SASH1: variants seen among roughly 807,000 people sequenced by gnomAD.
SASH1 encodes the protein SAM and SH3 domain containing 1, also known as SAM and SH3 domain-containing protein 1.
SASH1 carries 44 observed loss-of-function variants against 125.2 expected under a neutral mutation model. The ratio of observed to expected loss-of-function variants is 0.35; its 90% confidence interval spans 0.28 to 0.45. The LOEUF (loss-of-function observed/expected upper bound fraction) is 0.45. SASH1 is among the 20% of genes least tolerant of loss of function. The pLI is 1.00. For missense variants in SASH1, 1,426 were observed against 1,614.5 expected, an observed-to-expected ratio of 0.88 and a Z score of 2.00; for synonymous variants, 639 against 649.1, an observed-to-expected ratio of 0.98 and a Z score of 0.24.
chr6:148,404,866 C>A (rs1258978912), intron 2 of SASH1, among the ~76,000 whole-genome samples: 1 of 147,302 alleles, frequency 6.8e-6, no homozygotes, highest in Non-Finnish European at 1.5e-5. Flanking sequence ...TGATAGGGAA[C>A]TGTCCAAGAC....
chr6:148,244,957 T>TGAGA, the SASH1 span, among the ~76,000 whole-genome samples: 520 of 135,692 alleles, frequency 3.8e-3, 5 homozygotes, highest in African/African-American at 0.014. Context: ...TGTGTGTGTG[T>TGAGA]GTGAGAGAGA....
chr6:148,263,531 G>A, the SASH1 span, among the ~76,000 whole-genome samples: 1 of 152,354 alleles, frequency 6.6e-6, no homozygotes, highest in Admixed American at 6.5e-5. Flanking sequence ...CAGAAAGTCA[G>A]CCCAGGGCAA....
At chr6:148,449,078 C>CATTTCTT (rs763181287) in intron 4 of SASH1, among the ~76,000 whole-genome samples, 1 of 88,736 alleles carries the variant, frequency 1.1e-5, no homozygotes, top group Non-Finnish European at 2.3e-5. Flanking sequence ...CATTTCATTT[C>CATTTCTT]TTTTTTTTTT....
At chr6:148,294,792 T>C (rs978880806) in intron 1 of SASH1, among the ~76,000 whole-genome samples, 33 of 152,134 alleles carry the variant, frequency 2.2e-4, no homozygotes, top group African/African-American at 8.0e-4. Context: ...TATATCTTAT[T>C]GGATGGAAAA....
At chr6:148,289,470 G>A (rs1006527546) in intron 1 of SASH1, among the ~76,000 whole-genome samples, 4 of 152,246 alleles carry the variant, frequency 2.6e-5, no homozygotes, top group Non-Finnish European at 5.9e-5. Flanking sequence ...AAAAGGCAGT[G>A]AAGTGGTCAG....
intron 1 of SASH1, among the ~76,000 whole-genome samples, chr6:148,309,542 T>C (rs951311634): frequency 3.9e-5 from 6 of 152,234 alleles, no homozygotes; most frequent in South Asian, 2.1e-4. Flanking sequence ...TCAGAACAGA[T>C]TGGCAAATGA....
the SASH1 span, among the ~76,000 whole-genome samples, chr6:148,213,393 A>G: frequency 6.6e-6 from 1 of 152,114 alleles, no homozygotes; most frequent in African/African-American, 2.4e-5. Flanking sequence ...TGTGACAAAA[A>G]TTAATAGCAA....
intron 2 of SASH1, among the ~76,000 whole-genome samples, chr6:148,431,185 A>T (rs1314370039): frequency 6.6e-6 from 1 of 152,028 alleles, no homozygotes; most frequent in African/African-American, 2.4e-5. Context: ...GGGGAGTGAG[A>T]AGACTCCTAA....
At chr6:148,496,798 A>C (rs1026132243) in intron 8 of SASH1, among the ~76,000 whole-genome samples, 9 of 152,156 alleles carry the variant, frequency 5.9e-5, no homozygotes, top group East Asian at 5.8e-4. Context: ...TCTTGAGCCC[A>C]AGAGGCCGAA....
intron 1 of SASH1, among the ~76,000 whole-genome samples, chr6:148,296,433 A>G (rs770756266): frequency 6.6e-6 from 1 of 152,148 alleles, no homozygotes; most frequent in Non-Finnish European, 1.5e-5. Flanking sequence ...GCCCTTGTGT[A>G]TTATTATCAT....
At chr6:148,215,834 T>C in the SASH1 span, among the ~76,000 whole-genome samples, 1 of 152,030 alleles carries the variant, frequency 6.6e-6, no homozygotes, top group East Asian at 1.9e-4. Flanking sequence ...AGCAGAAATA[T>C]CTACTTTTTT....
chr6:148,517,663 C>T (rs1370246759), intron 9 of SASH1, among the ~76,000 whole-genome samples: 2 of 152,222 alleles, frequency 1.3e-5, no homozygotes, highest in Non-Finnish European at 2.9e-5. Context: ...ACATTTCCCT[C>T]ACAACCCCTT....
intron 1 of SASH1, among the ~76,000 whole-genome samples, chr6:148,348,574 T>C (rs1781593286): frequency 6.6e-6 from 1 of 152,198 alleles, no homozygotes. Context: ...ATTTCCTTAC[T>C]TGATCCTTGT....
At chr6:148,245,420 G>A in the SASH1 span, among the ~76,000 whole-genome samples, 5 of 152,070 alleles carry the variant, frequency 3.3e-5, no homozygotes, top group African/African-American at 7.2e-5. Context: ...GAGGCTAGAC[G>A]GTTTCCCACC....
At chr6:148,241,483 C>T in the SASH1 span, among the ~76,000 whole-genome samples, 9 of 152,164 alleles carry the variant, frequency 5.9e-5, no homozygotes, top group Admixed American at 6.5e-5. Context: ...GGCATCTCCT[C>T]TTGCTTTTAA....
intron 19 of SASH1, among the ~76,000 whole-genome samples, chr6:148,547,325 A>G (rs2115469636): frequency 6.6e-6 from 1 of 152,322 alleles, no homozygotes; most frequent in East Asian, 1.9e-4. Context: ...TGGATTTGTT[A>G]GACAAAGGGA....
At chr6:148,478,147 A>G (rs1434197204) in intron 7 of SASH1, among the ~76,000 whole-genome samples, 1 of 152,184 alleles carries the variant, frequency 6.6e-6, no homozygotes, top group Non-Finnish European at 1.5e-5. Flanking sequence ...AAAAAAATAG[A>G]ACTACCATAT....
the SASH1 span, among the ~76,000 whole-genome samples, chr6:148,257,491 T>C: frequency 6.6e-6 from 1 of 152,176 alleles, no homozygotes; most frequent in African/African-American, 2.4e-5. Flanking sequence ...GCCAATTCCT[T>C]TGGAATTTGA....
chr6:148,208,581 T>A, the SASH1 span, among the ~76,000 whole-genome samples: 48 of 152,328 alleles, frequency 3.2e-4, no homozygotes, highest in East Asian at 6.9e-3. Flanking sequence ...GTGTAATAAA[T>A]CATGGCATTT....
Sources: gnomAD v4.1 joint callset for allele counts (sites outside exome capture counted in the v4.1 genomes callset) on GRCh38, gnomAD v4.1.1 for gene constraint, MANE v1.5 for transcripts, NCBI Gene and HGNC (gene_info 2026-07-23, HGNC 2026-07-21) for gene names.